Variants in DLGAP2 observed in about 807,000 individuals in gnomAD.
DLGAP2 encodes the protein disks large-associated protein 2.
In DLGAP2, 26 loss-of-function variants were observed where a neutral mutation model predicts 100.3. The ratio of observed to expected loss-of-function variants is 0.26; its 90% CI spans 0.19 to 0.36. The LOEUF (loss-of-function observed/expected upper bound fraction) is 0.36. Among genes scored for constraint, DLGAP2 ranks in the 10% least tolerant of loss-of-function variants. The pLI, the probability that DLGAP2 is intolerant of heterozygous loss-of-function variation, is 1.00. For missense variants in DLGAP2, 1,858 were observed against 1,453.2 expected, an observed-to-expected ratio of 1.28 and a Z score of -4.53; for synonymous variants, 886 against 630.1, an observed-to-expected ratio of 1.41 and a Z score of -6.08.
In DLGAP2 at chr8:1,519,587, A is replaced by T. The variant is rs7815339; in HGVS notation, c.172+18156A>T. Among the ~76,000 whole-genome samples the T allele has an allele frequency of 1.2e-3, 187 of 152,242 alleles. 1 individual carries two copies. Among genetic ancestry groups the T allele is most frequent in the African/African-American group, 4.4e-3 (181 of 41,550 alleles). Reference sequence around the variant, plus strand: ...ATCCCCTTGTTTAACGGTTCTGACGACCCTGAGCCTGGCTCTCCCCATGCA... The same window carrying T: ...ATCCCCTTGTTTAACGGTTCTGACGTCCCTGAGCCTGGCTCTCCCCATGCA... On this transcript the variant is annotated intron_variant, in intron 4 of 14. Coordinates refer to ENST00000637795, the MANE Select transcript of DLGAP2 (RefSeq NM_001346810.2).
At chr8:815,285 G>A (rs1796455422) in intron 1 of DLGAP2, among the ~76,000 whole-genome samples, 1 of 152,198 alleles carries the variant, frequency 6.6e-6, no homozygotes, top group South Asian at 2.1e-4. Flanking sequence ...CTGAAGGGAG[G>A]AGCACTGTGT....
rs148344874 is a variant in DLGAP2, at chr8:844,112, G to C, written c.19-63800G>C. Among the ~76,000 whole-genome samples, 79 of 152,188 alleles carry C rather than the reference G, an allele frequency of 5.2e-4. 1 individual carries two copies. The East Asian group carries it at 0.013, about 25-fold the overall frequency. On this transcript the variant is annotated intron_variant, in intron 1 of 14. Transcript: ENST00000637795. ...TTTAACATATTTTTGTTTACTTTGTGGTTCACAGTGAAGAGTATTCGTCAG... is the reference window on the plus strand; with the variant it reads ...TTTAACATATTTTTGTTTACTTTGTCGTTCACAGTGAAGAGTATTCGTCAG...
intron 12 of DLGAP2, among the ~76,000 whole-genome samples, chr8:1,690,156 G>C (rs1799220982): frequency 6.6e-6 from 1 of 151,852 alleles, no homozygotes; most frequent in African/African-American, 2.4e-5. Context: ...AGGAGTTCGA[G>C]ACCAGCCTGG....
chr8:1,382,097 T>C (rs1008794463), intron 3 of DLGAP2, among the ~76,000 whole-genome samples: 6 of 152,210 alleles, frequency 3.9e-5, no homozygotes, highest in Admixed American at 3.3e-4. Flanking sequence ...CCCCAGACTT[T>C]ACTGCTGATA....
At chr8:816,103 A>G (rs1796471750) in intron 1 of DLGAP2, among the ~76,000 whole-genome samples, 1 of 152,116 alleles carries the variant, frequency 6.6e-6, no homozygotes, top group Non-Finnish European at 1.5e-5. Flanking sequence ...GTGAGTCCTT[A>G]TATGTTAGGT....
intron 3 of DLGAP2, among the ~76,000 whole-genome samples, chr8:1,427,369 C>G (rs1584889034): frequency 6.6e-6 from 1 of 152,216 alleles, no homozygotes; most frequent in African/African-American, 2.4e-5. Flanking sequence ...AAGCATAACC[C>G]AAAGAGTAAC....
rs376134037 is a variant in DLGAP2 at position 1,546,589 on chromosome 8, GTTGT to G, written c.173-2026_173-2023del. On this transcript the variant is annotated intron_variant, in intron 4 of 14. Coordinates refer to ENST00000637795, the MANE Select transcript of DLGAP2 (RefSeq NM_001346810.2). Reference sequence around the variant, plus strand: ...ATTATCAGCAGGGGATTTTGTTGTTGTTGTTTGTTTGTTTTTGCCTTGGTTACCT... The same window carrying G: ...ATTATCAGCAGGGGATTTTGTTGTTGTTGTTTGTTTTTGCCTTGGTTACCT... 1.5e-3 allele frequency among the ~76,000 whole-genome samples: 221 copies of G among 152,300 alleles called. 1 individual carries two copies. Among genetic ancestry groups the G allele is most frequent in the South Asian group, 3.1e-3 (15 of 4,822 alleles).
chr8:865,817 C>G (rs981757392), intron 1 of DLGAP2, among the ~76,000 whole-genome samples: 10 of 152,284 alleles, frequency 6.6e-5, no homozygotes, highest in Admixed American at 2.0e-4. Context: ...GTCTGCCCAG[C>G]TACAGGGTCC....
At chr8:1,043,855 C>G (rs891053839) in intron 2 of DLGAP2, among the ~76,000 whole-genome samples, 1 of 152,012 alleles carries the variant, frequency 6.6e-6, no homozygotes, top group Non-Finnish European at 1.5e-5. Flanking sequence ...GGCAGTGAAG[C>G]AATCAAGAAG....
At chr8:1,399,777 ATTGAGTG>A (rs1796488717) in intron 3 of DLGAP2, among the ~76,000 whole-genome samples, 1 of 350 alleles carries the variant, frequency 2.9e-3, no homozygotes, top group African/African-American at 0.012. Context: ...GGAGTCGTAT[ATTGAGTG>A]CTTACTGAGC....
chr8:1,338,836 G>A (rs1346834014), intron 3 of DLGAP2, among the ~76,000 whole-genome samples: 1 of 88,092 alleles, frequency 1.1e-5, no homozygotes, highest in East Asian at 2.8e-4. Flanking sequence ...GGAAGTGTCA[G>A]GACCTGGCAG....
intron 2 of DLGAP2, among the ~76,000 whole-genome samples, chr8:1,181,860 C>T (rs938194079): frequency 6.6e-6 from 1 of 152,146 alleles, no homozygotes; most frequent in Non-Finnish European, 1.5e-5. Flanking sequence ...GCACGGCACC[C>T]CCTGGAGAGG....
chr8:1,697,806 C>T (rs527887015), intron 14 of DLGAP2, among the ~76,000 whole-genome samples: 1 of 152,282 alleles, frequency 6.6e-6, no homozygotes, highest in South Asian at 2.1e-4. Flanking sequence ...ATTAATCTTC[C>T]TGTAGATCCA....
At chr8:953,727 G>A (rs1239884702) in intron 2 of DLGAP2, among the ~76,000 whole-genome samples, 1 of 152,164 alleles carries the variant, frequency 6.6e-6, no homozygotes. Flanking sequence ...CAGTGAAATT[G>A]AGAAAGAAAG....
At position 737,794 on chromosome 8, in the gene DLGAP2, C is replaced by T. The variant is rs1820356616; in HGVS notation, c.-14C>T. The T allele has an allele frequency of 5.3e-6, 2 of 378,712 alleles. No individual in the cohort carries two copies. The highest frequency in any genetic ancestry group is 4.6e-5 in the Admixed American group (1 of 21,938). 23.5% of individuals were successfully genotyped at this position (378,712 alleles called of 1,614,324 possible). Reference sequence around the variant, plus strand: ...CATGTCGCCCCGCACCTGCTGAGCCCGGAGCGTCCGAGGATGTCCGCGCTG... The same window carrying T: ...CATGTCGCCCCGCACCTGCTGAGCCTGGAGCGTCCGAGGATGTCCGCGCTG... On this transcript the variant is annotated 5_prime_UTR_variant, in exon 1 of 15. Coordinates refer to ENST00000637795, the MANE Select transcript of DLGAP2 (RefSeq NM_001346810.2).
At chr8:1,209,618 G>A (rs1033040817) in intron 2 of DLGAP2, among the ~76,000 whole-genome samples, 3 of 152,180 alleles carry the variant, frequency 2.0e-5, no homozygotes, top group Non-Finnish European at 4.4e-5. Context: ...GGGGTTTTAG[G>A]GAGGTAATTA....
At chr8:1,427,513 C>G (rs186619483) in intron 3 of DLGAP2, among the ~76,000 whole-genome samples, 31 of 152,252 alleles carry the variant, frequency 2.0e-4, no homozygotes, top group African/African-American at 6.7e-4. Flanking sequence ...ACAGAAAGCA[C>G]TTGATATGGT....
At chr8:1,599,350 G>A (rs1796553970) in intron 6 of DLGAP2, among the ~76,000 whole-genome samples, 1 of 152,200 alleles carries the variant, frequency 6.6e-6, no homozygotes, top group Non-Finnish European at 1.5e-5. Context: ...TTGATTTAGG[G>A]TGGAGAGTTA....
At chr8:1,061,889 T>C (rs1409156588) in intron 2 of DLGAP2, among the ~76,000 whole-genome samples, 2 of 152,078 alleles carry the variant, frequency 1.3e-5, no homozygotes, top group Non-Finnish European at 2.9e-5. Flanking sequence ...CCGAGCACCC[T>C]GCCCACTCAC....
Sources: allele counts gnomAD v4.1 joint callset (sites outside exome capture counted in the v4.1 genomes callset), GRCh38; gene constraint gnomAD v4.1.1; transcripts MANE v1.5; gene names NCBI Gene and HGNC (gene_info 2026-07-23, HGNC 2026-07-21).